Variants in ZFHX3 observed in about 807,000 individuals in gnomAD.
ZFHX3 encodes the protein zinc finger homeobox 3.
In ZFHX3, 42 loss-of-function variants were observed where a neutral mutation model predicts 279.1. The observed-to-expected ratio is 0.15, with a 90% CI of 0.12 to 0.19. The LOEUF is 0.19. Ranked by LOEUF, ZFHX3 falls within the 10% of genes least tolerant of loss-of-function variation. The pLI is 1.00. For synonymous variants in ZFHX3, 2,293 were observed against 1,957.8 expected (o/e 1.17, Z -4.52); for missense variants, 4,981 against 4,754.0 (o/e 1.05, Z -1.40).
intron 2 of ZFHX3, among the ~76,000 whole-genome samples, chr16:73,600,700 G>A (rs773535675): frequency 1.3e-5 from 2 of 152,054 alleles, no homozygotes; most frequent in Non-Finnish European, 1.5e-5. Context: ...GATTACAGGC[G>A]TGAGCCACCA....
chr16:73,251,964 T>C (rs1156379675), intron 5 of ZFHX3, among the ~76,000 whole-genome samples: 3 of 147,838 alleles, frequency 2.0e-5, no homozygotes, highest in Non-Finnish European at 4.5e-5. Context: ...GCACACACCA[T>C]GCACACACAC....
chr16:73,125,707 C>T (rs1355410139), intron 7 of ZFHX3, among the ~76,000 whole-genome samples: 1 of 152,050 alleles, frequency 6.6e-6, no homozygotes, highest in Non-Finnish European at 1.5e-5. Flanking sequence ...GACTGGCTCT[C>T]CTTGCTCCTC....
intron 1 of ZFHX3, among the ~76,000 whole-genome samples, chr16:72,971,821 G>A (rs978326314): frequency 6.6e-6 from 1 of 151,032 alleles, no homozygotes; most frequent in African/African-American, 2.4e-5. Flanking sequence ...TCATAAGACA[G>A]AACCCATCTA....
At chr16:73,249,614 G>A (rs28429817) in intron 5 of ZFHX3, among the ~76,000 whole-genome samples, 28,019 of 152,010 alleles carry the variant, frequency 0.18, 3,704 homozygotes, top group East Asian at 0.5. Flanking sequence ...TGGGAATTAC[G>A]GGAGCTACAA....
intron 2 of ZFHX3, among the ~76,000 whole-genome samples, chr16:73,552,266 A>G (rs1224682725): frequency 6.6e-6 from 1 of 152,092 alleles, no homozygotes; most frequent in Non-Finnish European, 1.5e-5. Context: ...AATTTTTCCC[A>G]CCTCTTCCTT....
At chr16:72,900,722 A>G (rs1469494759) in intron 3 of ZFHX3, among the ~76,000 whole-genome samples, 1 of 152,184 alleles carries the variant, frequency 6.6e-6, no homozygotes, top group East Asian at 1.9e-4. Flanking sequence ...GGGCCATCCC[A>G]AGGGTTTCTG....
chr16:73,559,866 G>A (rs994565973), intron 2 of ZFHX3, among the ~76,000 whole-genome samples: 9 of 152,312 alleles, frequency 5.9e-5, no homozygotes, highest in East Asian at 3.9e-4. Context: ...ATCTGCAAAC[G>A]TGTCAGGCCT....
At chr16:73,502,452 G>A (rs548835924) in intron 2 of ZFHX3, among the ~76,000 whole-genome samples, 2 of 152,348 alleles carry the variant, frequency 1.3e-5, no homozygotes, top group East Asian at 3.9e-4. Context: ...CTGATCCCAA[G>A]TCAATCATAG....
chr16:73,860,988 T>TA (rs1206841209), intron 1 of ZFHX3, among the ~76,000 whole-genome samples: 2 of 151,592 alleles, frequency 1.3e-5, no homozygotes, highest in Non-Finnish European at 2.9e-5. Context: ...TTGCAGATTT[T>TA]TTTTTTTTTT....
At chr16:73,877,714 A>G (rs190590103) in intron 1 of ZFHX3, among the ~76,000 whole-genome samples, 106 of 152,318 alleles carry the variant, frequency 7.0e-4, no homozygotes, top group African/African-American at 2.5e-3. Flanking sequence ...GATTATATTC[A>G]GTGGAAAGAG....
chr16:73,007,457 G>A (rs1200496248), intron 1 of ZFHX3, among the ~76,000 whole-genome samples: 1 of 151,844 alleles, frequency 6.6e-6, no homozygotes, highest in Non-Finnish European at 1.5e-5. Flanking sequence ...TTTTGTTTTT[G>A]TTTTTTTGAG....
intron 2 of ZFHX3, among the ~76,000 whole-genome samples, chr16:73,593,624 G>C (rs1567528150): frequency 6.6e-6 from 1 of 151,388 alleles, no homozygotes; most frequent in African/African-American, 2.4e-5. Context: ...AGGAAGGGAA[G>C]TGAAGGAAAA....
chr16:73,515,491 G>C (rs933714535), intron 2 of ZFHX3, among the ~76,000 whole-genome samples: 2 of 150,432 alleles, frequency 1.3e-5, no homozygotes, highest in African/African-American at 4.9e-5. Context: ...AGAAGAAACA[G>C]AGAGGAGAGA....
At chr16:73,063,392 C>G (rs1236724243), upstream of ZFHX3, among the ~76,000 whole-genome samples, 1 of 152,030 alleles carries the variant, frequency 6.6e-6, no homozygotes, top group Non-Finnish European at 1.5e-5. Flanking sequence ...ATCCGACACC[C>G]CCATCGCCCC....
At chr16:73,521,734 C>G (rs2019612015) in intron 2 of ZFHX3, among the ~76,000 whole-genome samples, 1 of 151,550 alleles carries the variant, frequency 6.6e-6, no homozygotes, top group South Asian at 2.1e-4. Flanking sequence ...TATATAGTAG[C>G]ATTTTAAATT....
At chr16:73,759,797 A>G (rs1205486657) in intron 1 of ZFHX3, among the ~76,000 whole-genome samples, 1 of 152,070 alleles carries the variant, frequency 6.6e-6, no homozygotes, top group Non-Finnish European at 1.5e-5. Context: ...GAAGAATATC[A>G]AAGGGAGAAC....
chr16:73,635,150 T>C (rs1446298944), intron 2 of ZFHX3, among the ~76,000 whole-genome samples: 3 of 152,174 alleles, frequency 2.0e-5, no homozygotes, highest in Non-Finnish European at 4.4e-5. Flanking sequence ...GTATTTTTCC[T>C]AGGTAATCTT....
intron 1 of ZFHX3, among the ~76,000 whole-genome samples, chr16:73,030,906 T>C (rs1243785174): frequency 2.6e-5 from 4 of 152,176 alleles, no homozygotes; most frequent in Admixed American, 6.5e-5. Context: ...GTGTTGTGTC[T>C]TAGCAAGGAG....
At chr16:73,560,765 T>C (rs1310298683) in intron 2 of ZFHX3, among the ~76,000 whole-genome samples, 1 of 152,212 alleles carries the variant, frequency 6.6e-6, no homozygotes, top group Non-Finnish European at 1.5e-5. Context: ...GATACAGCTG[T>C]GTTCTGGTTC....
Sources: gnomAD v4.1 joint callset for allele counts (sites outside exome capture counted in the v4.1 genomes callset) on GRCh38, gnomAD v4.1.1 for gene constraint, MANE v1.5 for transcripts, NCBI Gene and HGNC (gene_info 2026-07-23, HGNC 2026-07-21) for gene names.